The following DIAPH2 variants were observed in gnomAD, a reference collection of about 807,000 sequenced individuals.
DIAPH2 encodes the protein protein diaphanous homolog 2.
A neutral mutation model predicts 92.7 loss-of-function variants in DIAPH2; 35 were observed. The ratio of observed to expected loss-of-function variants is 0.38; its 90% CI spans 0.29 to 0.50. The LOEUF (loss-of-function observed/expected upper bound fraction) is 0.50. Among genes scored for constraint, DIAPH2 ranks in the 20% least tolerant of loss-of-function variants. DIAPH2 has a pLI of 0.94. For synonymous variants in DIAPH2, 301 were observed against 280.4 expected (o/e 1.07, Z -0.73); for missense variants, 701 against 819.5 (o/e 0.86, Z 1.77).
At chrX:96,753,689 G>A (rs1043433559) in intron 3 of DIAPH2, among the ~76,000 whole-genome samples, 1 of 109,737 alleles carries the variant, frequency 9.1e-6, no homozygotes, top group African/African-American at 3.3e-5. Context: ...TATAATTTTA[G>A]AGGATATTAC....
At chrX:96,887,980 T>C (rs1047525812) in intron 5 of DIAPH2, among the ~76,000 whole-genome samples, 1 of 110,567 alleles carries the variant, frequency 9.0e-6, no homozygotes, top group Non-Finnish European at 1.9e-5. Flanking sequence ...TGTGTGTGTG[T>C]GTATGTGTGT....
intron 22 of DIAPH2, among the ~76,000 whole-genome samples, chrX:97,146,409 A>G (rs776479644): frequency 9.0e-6 from 1 of 110,925 alleles, no homozygotes; most frequent in South Asian, 3.8e-4. Flanking sequence ...TATATAGCTA[A>G]TATTGAAAGA....
chrX:96,712,670 A>G (rs760426622), intron 1 of DIAPH2, among the ~76,000 whole-genome samples: 1 of 111,574 alleles, frequency 9.0e-6, no homozygotes, highest in East Asian at 2.8e-4. Flanking sequence ...TACAGTTATG[A>G]TTTTTAGTTT....
Position 96,758,135 on chromosome X carries a change from T to C in DIAPH2, c.343-19T>C. 8.6e-7 allele frequency: 1 copy of C among 1,158,029 alleles called. No individual in the cohort carries two copies. The highest frequency in any genetic ancestry group is 1.2e-6 in the Non-Finnish European group (1 of 868,742). On this transcript the variant is annotated intron_variant, in intron 3 of 26. Transcript: ENST00000324765. ...AGTGGAAATTTATCAATGCCCACAG[T>C]AAATGTTATCTCTTACAGGAGGACA...
In DIAPH2 at chrX:96,933,552, G is replaced by A. The variant is rs765840720; in HGVS notation, c.1089+2709G>A. Among the ~76,000 whole-genome samples, 9 of 101,974 alleles carry A rather than the reference G, an allele frequency of 8.8e-5. No homozygotes were observed. In the East Asian group the frequency reaches 1.8e-3, roughly 20 times the overall value. The allele number at this position is 101,974 out of a possible 115,157, so 88.6% of individuals were successfully genotyped here. A position where few individuals can be genotyped will look rare whatever the true frequency, so the allele number is the denominator to read the frequency against. On this transcript the variant is annotated intron_variant, in intron 10 of 26. Transcript: ENST00000324765. The stretch of plus-strand genomic sequence containing the variant: ...TGTGTATATATGTGTATATATATAT[G>A]TGTGTGTGTATATATATATATATTT...
chrX:96,870,276 T>A (rs1454845056), intron 4 of DIAPH2, among the ~76,000 whole-genome samples: 1 of 110,346 alleles, frequency 9.1e-6, no homozygotes, highest in East Asian at 2.8e-4. Context: ...TTATTTTTTT[T>A]CTTGAGACAG....
At position 97,192,148 on chromosome X, in the gene DIAPH2, G is replaced by A. The variant is rs1044960411; in HGVS notation, c.2719+50354G>A. Among the ~76,000 whole-genome samples, 6 of 109,035 alleles carry A rather than the reference G, an allele frequency of 5.5e-5. No individual in the cohort carries two copies. The Admixed American group carries it at 5.9e-4, about 11-fold the overall frequency. The allele number at this position is 109,035 out of a possible 115,157, so 94.7% of individuals were successfully genotyped here. ...CTACTAAAAATACAAAAATTACCTGGGCATGGTGGCTCGCACCTGTAGGTG... is the reference window on the plus strand; with the variant it reads ...CTACTAAAAATACAAAAATTACCTGAGCATGGTGGCTCGCACCTGTAGGTG... On this transcript the variant is annotated intron_variant, in intron 22 of 26. Coordinates refer to ENST00000324765, the MANE Select transcript of DIAPH2 (RefSeq NM_006729.5).
At chrX:97,210,910 T>G (rs2067834650) in intron 22 of DIAPH2, among the ~76,000 whole-genome samples, 1 of 112,140 alleles carries the variant, frequency 8.9e-6, no homozygotes, top group Non-Finnish European at 1.9e-5. Context: ...GCTGGACTTG[T>G]TATGAAGCAC....
chrX:97,167,726 C>T (rs1415296265), intron 22 of DIAPH2, among the ~76,000 whole-genome samples: 1 of 111,605 alleles, frequency 9.0e-6, no homozygotes, highest in Non-Finnish European at 1.9e-5. Flanking sequence ...TATATAAGTA[C>T]TTCCTTTGGT....
chrX:97,597,224 T>C (rs1015869423), intron 26 of DIAPH2, among the ~76,000 whole-genome samples: 3 of 111,393 alleles, frequency 2.7e-5, no homozygotes, highest in Non-Finnish European at 5.7e-5. Context: ...AGGGAGAAAA[T>C]CTAGAATAAT....
In DIAPH2 at chrX:97,459,280, A is replaced by G. The variant is rs755224370; in HGVS notation, c.3241+29535A>G. On this transcript the variant is annotated intron_variant, in intron 26 of 26. Transcript: ENST00000324765. ...AGTTGAGAGTCTCGCTTAGTGCTAT[A>G]GTTATAGCAAACACTATGGAGTTAG... Among the ~76,000 whole-genome samples the G allele has an allele frequency of 3.6e-4, 40 of 112,164 alleles. No individual in the cohort carries two copies. The South Asian group carries it at 0.015, about 41-fold the overall frequency.
intron 19 of DIAPH2, among the ~76,000 whole-genome samples, chrX:97,077,396 C>G (rs2066712472): frequency 8.9e-6 from 1 of 112,433 alleles, no homozygotes; most frequent in African/African-American, 3.2e-5. Context: ...TGTAGCACAT[C>G]GATAATGCAT....
intron 20 of DIAPH2, among the ~76,000 whole-genome samples, chrX:97,111,869 A>G (rs2066982784): frequency 8.9e-6 from 1 of 112,013 alleles, no homozygotes; most frequent in South Asian, 3.7e-4. Flanking sequence ...TATTTGTTTC[A>G]CTTTTCTCAT....
chrX:97,538,180 A>G (rs181245598), intron 26 of DIAPH2, among the ~76,000 whole-genome samples: 1 of 111,474 alleles, frequency 9.0e-6, no homozygotes, highest in East Asian at 2.8e-4. Flanking sequence ...CACCGCGCCC[A>G]GCCAAGACTA....
intron 23 of DIAPH2, among the ~76,000 whole-genome samples, chrX:97,258,870 CAAAA>C (rs141981932): frequency 1.5e-4 from 6 of 39,060 alleles, no homozygotes; most frequent in African/African-American, 3.6e-4. Context: ...GACTCCGTCT[CAAAA>C]AAAAAAAAAA....
chrX:96,722,104 C>T (rs2063991805), intron 1 of DIAPH2, among the ~76,000 whole-genome samples: 1 of 111,615 alleles, frequency 9.0e-6, no homozygotes, highest in East Asian at 2.8e-4. Context: ...GCCTGTAATC[C>T]CAGCACTTTG....
intron 23 of DIAPH2, among the ~76,000 whole-genome samples, chrX:97,315,428 G>C (rs1334154397): frequency 8.9e-6 from 1 of 111,804 alleles, no homozygotes; most frequent in Non-Finnish European, 1.9e-5. Context: ...GAGTGGATGT[G>C]AATTTTAAGG....
intron 26 of DIAPH2, among the ~76,000 whole-genome samples, chrX:97,508,326 C>T (rs1448848981): frequency 8.9e-6 from 1 of 111,769 alleles, no homozygotes; most frequent in Non-Finnish European, 1.9e-5. Context: ...TTTCTTATTC[C>T]TTGCATAGAT....
intron 20 of DIAPH2, among the ~76,000 whole-genome samples, chrX:97,101,781 A>G (rs754743274): frequency 8.9e-6 from 1 of 112,573 alleles, no homozygotes; most frequent in African/African-American, 3.2e-5. Context: ...CTGAAATTAG[A>G]AAGTAGTATG....
Sources: gnomAD v4.1 joint callset for allele counts (sites outside exome capture counted in the v4.1 genomes callset) on GRCh38, gnomAD v4.1.1 for gene constraint, MANE v1.5 for transcripts, NCBI Gene and HGNC (gene_info 2026-07-23, HGNC 2026-07-21) for gene names.